Variants in SUSD5 observed in about 807,000 individuals in gnomAD.
SUSD5 encodes the protein sushi domain containing 5, also known as sushi domain-containing protein 5.
Under a neutral mutation model 29.5 loss-of-function variants are expected in SUSD5, and 33 were observed. The observed-to-expected ratio is 1.12, with a 90% confidence interval of 0.85 to 1.49. SUSD5 has a LOEUF of 1.49. Among genes scored for constraint, SUSD5 ranks in the 40% most tolerant of loss-of-function variants. The pLI is 0.00. For missense variants in SUSD5, 776 were observed against 800.6 expected, an observed-to-expected ratio of 0.97 and a Z score of 0.37; for synonymous variants, 308 against 325.3, an observed-to-expected ratio of 0.95 and a Z score of 0.57.
At chr3:33,214,174 C>A in intron 1 of SUSD5, 69 bp from the exon 2 acceptor site, 2 of 1,459,714 alleles carry the variant, frequency 1.4e-6, no homozygotes, top group Non-Finnish European at 1.8e-6. Flanking sequence ...AGCAAACATC[C>A]TCTGGCAGAC....
intron 3 of SUSD5, among the ~76,000 whole-genome samples, chr3:33,186,713 C>A (rs1458253931): frequency 6.6e-6 from 1 of 152,156 alleles, no homozygotes; most frequent in Non-Finnish European, 1.5e-5. Flanking sequence ...GTGTGAGCCA[C>A]CACGCCCGGT....
chr3:33,173,110 A>G (rs1448090147), intron 4 of SUSD5, among the ~76,000 whole-genome samples: 1 of 152,258 alleles, frequency 6.6e-6, no homozygotes, highest in African/African-American at 2.4e-5. Flanking sequence ...GACATTTTAC[A>G]CAAAGAAATT....
rs749866788 is a variant in SUSD5 at position 33,153,254 on chromosome 3, T to G, written c.1378A>C (p.Ile460Leu). 1 of 1,613,926 alleles carries G rather than the reference T, an allele frequency of 6.2e-7. No homozygotes were observed. Among genetic ancestry groups the G allele is most frequent in the Non-Finnish European group, 8.5e-7 (1 of 1,179,862 alleles). Reference protein sequence around the residue: ...RPVNASETEGIGDGDLTKYQS... With the variant: ...RPVNASETEGLGDGDLTKYQS... ...TACTTCGTCAAGTCACCATCCCCAATGCCCTCAGTCTCGGAAGCATTCACG... is the reference window on the plus strand; with the variant it reads ...TACTTCGTCAAGTCACCATCCCCAAGGCCCTCAGTCTCGGAAGCATTCACG... The change falls in exon 5 of 5, where the codon ATT (isoleucine) becomes CTT (leucine). Residue 460 changes from isoleucine to leucine, a missense_variant. Ile to Leu is a conservative substitution (Grantham distance 5). Coordinates refer to ENST00000309558, the MANE Select transcript of SUSD5 (RefSeq NM_015551.2).
At chr3:33,210,683 G>A (rs1361461637) in intron 2 of SUSD5, among the ~76,000 whole-genome samples, 10 of 152,100 alleles carry the variant, frequency 6.6e-5, no homozygotes, top group African/African-American at 2.4e-4. Flanking sequence ...GACCTGGGCA[G>A]GAAAGGCCCA....
chr3:33,194,154 G>A (rs1384732074), intron 3 of SUSD5, among the ~76,000 whole-genome samples: 1 of 152,194 alleles, frequency 6.6e-6, no homozygotes, highest in Non-Finnish European at 1.5e-5. Flanking sequence ...AACTGACAGA[G>A]CAAGAGGACA....
At chr3:33,192,078 T>A (rs1239484113) in intron 3 of SUSD5, among the ~76,000 whole-genome samples, 1 of 131,894 alleles carries the variant, frequency 7.6e-6, no homozygotes, top group East Asian at 2.1e-4. Context: ...TTAATGCGCA[T>A]ATTTTTTTTT....
rs546935824 is a variant in SUSD5 at position 33,199,737 on chromosome 3, C to T, written c.409+8071G>A. ...TTGAAACCTAATCCCCAGTGTGATG[C>T]TATTTGGAAGTGGGACTTTTGGGAG... is the stretch of plus-strand genomic sequence containing the variant. On this transcript the variant is annotated intron_variant, in intron 3 of 4. Coordinates refer to ENST00000309558, the MANE Select transcript of SUSD5 (RefSeq NM_015551.2). Among the ~76,000 whole-genome samples the T allele has an allele frequency of 7.7e-4, 117 of 152,254 alleles. 1 individual carries two copies. Among genetic ancestry groups the T allele is most frequent in the African/African-American group, 2.6e-3 (107 of 41,546 alleles).
At chr3:33,162,642 T>TC in intron 4 of SUSD5, among the ~76,000 whole-genome samples, 1 of 152,300 alleles carries the variant, frequency 6.6e-6, no homozygotes, top group South Asian at 2.1e-4. Context: ...TAGCAGGACT[T>TC]CATGATAAAA....
rs1035409298 is a variant in SUSD5, at chr3:33,218,792, A to T, written c.6T>A (p.Thr2=). ...GGGCAGGCGGGCTGGGTCCCTCGGC[A>T]GTCATGGTCCGGGAGTGCGCGGGCC... M[T]AEGPSPPARW... Residue 2 remains threonine (T), a synonymous_variant, in exon 1 of 5, where the codon ACT becomes ACA. Coordinates refer to ENST00000309558, the MANE Select transcript of SUSD5 (RefSeq NM_015551.2). The T allele has an allele frequency of 7.6e-6, 11 of 1,444,686 alleles. No homozygotes were observed. The African/African-American group carries it at 1.0e-4, about 14-fold the overall frequency. 89.5% of individuals were successfully genotyped at this position (1,444,686 alleles called of 1,614,324 possible). A position where few individuals can be genotyped will look rare whatever the true frequency, so the allele number is the denominator to read the frequency against.
intron 1 of SUSD5, 26 bp from the exon 2 acceptor site, chr3:33,214,131 T>C (rs888922832): frequency 1.3e-6 from 2 of 1,564,732 alleles, no homozygotes; most frequent in Admixed American, 1.9e-5. Context: ...AACAAACACA[T>C]GTGGATTTCA....
At chr3:33,159,736 T>C (rs1175167343) in intron 4 of SUSD5, among the ~76,000 whole-genome samples, 1 of 151,464 alleles carries the variant, frequency 6.6e-6, no homozygotes, top group East Asian at 1.9e-4. Flanking sequence ...AACACAAACA[T>C]AAAACTGGGC....
At chr3:33,194,132 C>T (rs1314576966) in intron 3 of SUSD5, among the ~76,000 whole-genome samples, 1 of 152,192 alleles carries the variant, frequency 6.6e-6, no homozygotes, top group Non-Finnish European at 1.5e-5. Flanking sequence ...GGTCTTGTGG[C>T]ACCAACCCAG....
chr3:33,194,146 CT>C (rs1248007182), intron 3 of SUSD5, among the ~76,000 whole-genome samples: 2 of 152,216 alleles, frequency 1.3e-5, no homozygotes, highest in Non-Finnish European at 2.9e-5. Context: ...AACCCAGGAA[CT>C]GACAGAGCAA....
intron 4 of SUSD5, among the ~76,000 whole-genome samples, chr3:33,166,763 G>C (rs1324243181): frequency 6.6e-6 from 1 of 152,242 alleles, no homozygotes; most frequent in East Asian, 1.9e-4. Context: ...GCTTGATGCA[G>C]TCTGGAAGTC....
intron 4 of SUSD5, among the ~76,000 whole-genome samples, chr3:33,168,822 G>A (rs763939230): frequency 7.2e-5 from 11 of 152,114 alleles, no homozygotes; most frequent in Non-Finnish European, 1.5e-4. Flanking sequence ...GCTAATTTTC[G>A]TATTTTTAGT....
rs895555824 is a variant in SUSD5, at chr3:33,202,070, A to G, written c.409+5738T>C. ...TATCTATCTATCTATCTGTCTATCT[A>G]TCTATCTATCATCTATCTATCATCT... On this transcript the variant is annotated intron_variant, in intron 3 of 4. Transcript: ENST00000309558. 5.2e-3 allele frequency among the ~76,000 whole-genome samples: 593 copies of G among 114,176 alleles called. 6 individuals are homozygous for G. Among genetic ancestry groups the G allele is most frequent in the African/African-American group, 0.019 (565 of 30,022 alleles). 74.9% of individuals were successfully genotyped at this position (114,176 alleles called of 152,430 possible).
At chr3:33,211,558 T>A (rs147368184) in intron 2 of SUSD5, among the ~76,000 whole-genome samples, 1 of 152,350 alleles carries the variant, frequency 6.6e-6, no homozygotes, top group Non-Finnish European at 1.5e-5. Flanking sequence ...GTCCCTTTAT[T>A]CAGTTGCTGC....
chr3:33,169,365 C>T (rs1212093289), intron 4 of SUSD5, among the ~76,000 whole-genome samples: 5 of 152,070 alleles, frequency 3.3e-5, no homozygotes, highest in East Asian at 1.9e-4. Context: ...GGATTACAGG[C>T]GCCCGCCACC....
intron 4 of SUSD5, among the ~76,000 whole-genome samples, chr3:33,169,069 G>C (rs780587422): frequency 1.3e-4 from 11 of 84,632 alleles, no homozygotes; most frequent in Non-Finnish European, 2.0e-4. Context: ...CATTTCTACG[G>C]AATTCCAGAC....
Sources: allele counts gnomAD v4.1 joint callset (sites outside exome capture counted in the v4.1 genomes callset), GRCh38; gene constraint gnomAD v4.1.1; transcripts MANE v1.5; gene names NCBI Gene and HGNC (gene_info 2026-07-23, HGNC 2026-07-21).